The following MCPH1 variants were observed in gnomAD, a reference collection of about 807,000 sequenced individuals.
MCPH1 encodes the protein microcephalin 1.
MCPH1 carries 104 observed loss-of-function variants against 84.5 expected under a neutral mutation model. The observed-to-expected ratio is 1.23, with a 90% CI of 1.05 to 1.45. The LOEUF is 1.45. MCPH1 is among the 40% of genes most tolerant of loss of function. The pLI is 0.00. For synonymous variants in MCPH1, 514 were observed against 366.8 expected (o/e 1.40, Z -4.58); for missense variants, 1,498 against 1,005.7 (o/e 1.49, Z -6.62).
At chr8:6,476,599 G>T (rs56082066) in intron 9 of MCPH1, among the ~76,000 whole-genome samples, 2 of 152,224 alleles carry the variant, frequency 1.3e-5, no homozygotes, top group Non-Finnish European at 2.9e-5. Context: ...ATCAGATTCT[G>T]TTATCTTTCA....
chr8:6,513,569 G>A (rs1383021619), intron 12 of MCPH1: 13 of 741,338 alleles, frequency 1.8e-5, no homozygotes, highest in African/African-American at 9.0e-5. Context: ...TCCTGACCTC[G>A]TGATCTGCCC....
intron 12 of MCPH1, chr8:6,513,568 C>T (rs879160607): frequency 3.7e-5 from 27 of 732,474 alleles, no homozygotes; most frequent in South Asian, 8.5e-5. Context: ...CTCCTGACCT[C>T]GTGATCTGCC....
intron 3 of MCPH1, among the ~76,000 whole-genome samples, chr8:6,425,146 C>T (rs1276891861): frequency 6.6e-6 from 1 of 152,190 alleles, no homozygotes; most frequent in Non-Finnish European, 1.5e-5. Context: ...AGTGAATCGG[C>T]TCTCTGGGGA....
chr8:6,419,715 G>A (rs1460365421), intron 3 of MCPH1, among the ~76,000 whole-genome samples: 1 of 152,012 alleles, frequency 6.6e-6, no homozygotes, highest in Non-Finnish European at 1.5e-5. Flanking sequence ...ATCTTACTAT[G>A]TAGGCCAGGC....
At chr8:6,410,893 C>T (rs1179444909) in intron 2 of MCPH1, among the ~76,000 whole-genome samples, 1 of 152,028 alleles carries the variant, frequency 6.6e-6, no homozygotes. Flanking sequence ...AGTTCGAGAC[C>T]AGCCTGGCCA....
chr8:6,629,119 A>G (rs1563214907), intron 13 of MCPH1, among the ~76,000 whole-genome samples: 3 of 152,248 alleles, frequency 2.0e-5, no homozygotes, highest in African/African-American at 7.2e-5. Context: ...ATAAGGTAAC[A>G]TGAGGTCATA....
chr8:6,560,992 C>G (rs527649228), intron 12 of MCPH1, among the ~76,000 whole-genome samples: 24 of 152,360 alleles, frequency 1.6e-4, no homozygotes, highest in Non-Finnish European at 1.2e-4. Flanking sequence ...TCATGCCTCG[C>G]TGTGACTCTG....
At chr8:6,578,179 G>T (rs952532051) in intron 12 of MCPH1, among the ~76,000 whole-genome samples, 3 of 152,252 alleles carry the variant, frequency 2.0e-5, no homozygotes, top group African/African-American at 7.2e-5. Context: ...AGAGGAATAA[G>T]CTCCAGCCAC....
At chr8:6,627,143 T>C in intron 13 of MCPH1, 18 of 984,322 alleles carry the variant, frequency 1.8e-5, no homozygotes, top group Non-Finnish European at 2.2e-5. Context: ...CCCTAATGAC[T>C]GACTGACCAG....
chr8:6,626,711 G>C, intron 13 of MCPH1: 1 of 985,300 alleles, frequency 1.0e-6, no homozygotes, highest in Non-Finnish European at 1.2e-6. Flanking sequence ...AGACCCTGGG[G>C]TCTGAAGGAA....
chr8:6,473,799 G>T, intron 9 of MCPH1: 2 of 1,079,082 alleles, frequency 1.9e-6, no homozygotes, highest in African/African-American at 1.6e-5. Context: ...TGTCAGCAGA[G>T]AGATATCAGC....
chr8:6,615,316 A>C (rs1435849713), intron 12 of MCPH1, among the ~76,000 whole-genome samples: 3 of 152,210 alleles, frequency 2.0e-5, no homozygotes, highest in African/African-American at 7.2e-5. Context: ...CCTGCCCATG[A>C]AATGTGTGTA....
chr8:6,628,975 T>A (rs1158154639), intron 13 of MCPH1, among the ~76,000 whole-genome samples: 3 of 152,228 alleles, frequency 2.0e-5, no homozygotes, highest in Non-Finnish European at 4.4e-5. Flanking sequence ...ACAGTCAGTG[T>A]TGAAACTAAA....
At chr8:6,596,467 G>A (rs557384729) in intron 12 of MCPH1, among the ~76,000 whole-genome samples, 41 of 152,320 alleles carry the variant, frequency 2.7e-4, no homozygotes, top group African/African-American at 9.6e-4. Flanking sequence ...TGTGTCTAAC[G>A]TAGGTATCTT....
At chr8:6,467,686 C>G (rs1054850537) in intron 9 of MCPH1, among the ~76,000 whole-genome samples, 1 of 152,116 alleles carries the variant, frequency 6.6e-6, no homozygotes, top group Non-Finnish European at 1.5e-5. Flanking sequence ...GCCTTGATTG[C>G]CTGGGCTCAA....
intron 11 of MCPH1, among the ~76,000 whole-genome samples, chr8:6,483,426 C>G (rs897710978): frequency 3.3e-5 from 5 of 152,106 alleles, no homozygotes; most frequent in Non-Finnish European, 2.9e-5. Context: ...TTGGGGCATC[C>G]TTTCAAGCTG....
At chr8:6,600,518 C>A (rs1274501090) in intron 12 of MCPH1, among the ~76,000 whole-genome samples, 1 of 152,264 alleles carries the variant, frequency 6.6e-6, no homozygotes, top group Non-Finnish European at 1.5e-5. Flanking sequence ...CTCCAGCTTA[C>A]AGCAGAGTCT....
intron 12 of MCPH1, among the ~76,000 whole-genome samples, chr8:6,598,943 C>T (rs1829150100): frequency 6.6e-6 from 1 of 152,256 alleles, no homozygotes; most frequent in Non-Finnish European, 1.5e-5. Flanking sequence ...ACATGCAGCC[C>T]CGCTGAGCTG....
At chr8:6,422,719 C>T (rs933856574) in intron 3 of MCPH1, among the ~76,000 whole-genome samples, 6 of 152,198 alleles carry the variant, frequency 3.9e-5, no homozygotes, top group African/African-American at 1.4e-4. Context: ...GACTGAGTCT[C>T]ACTCTCTTGC....
Sources: allele counts gnomAD v4.1 joint callset (sites outside exome capture counted in the v4.1 genomes callset), GRCh38; gene constraint gnomAD v4.1.1; transcripts MANE v1.5; gene names NCBI Gene and HGNC (gene_info 2026-07-23, HGNC 2026-07-21).